Variants in TANGO6 observed in about 807,000 individuals in gnomAD.
TANGO6 encodes transport and Golgi organization protein 6 homolog.
Under a neutral mutation model 114.2 loss-of-function variants are expected in TANGO6, and 90 were observed. That is an observed-to-expected ratio of 0.79 (90% confidence interval 0.66 to 0.94). The LOEUF (loss-of-function observed/expected upper bound fraction) is 0.94, where lower values mean the gene tolerates loss of function less well. TANGO6 is among the 40% of genes least tolerant of loss of function. The pLI, the probability that TANGO6 is intolerant of heterozygous loss-of-function variation, is 0.00. For synonymous variants in TANGO6, 477 were observed against 509.8 expected, an observed-to-expected ratio of 0.94 and a Z score of 0.87; for missense variants, 1,274 against 1,315.3, an observed-to-expected ratio of 0.97 and a Z score of 0.49.
At chr16:68,853,828 T>G (rs570676709) in intron 1 of TANGO6, among the ~76,000 whole-genome samples, 1 of 152,148 alleles carries the variant, frequency 6.6e-6, no homozygotes, top group Admixed American at 6.5e-5. Context: ...ACCATTCCAG[T>G]GTATGTAGTG....
intron 14 of TANGO6, among the ~76,000 whole-genome samples, chr16:68,961,270 G>T (rs535990672): frequency 8.5e-5 from 13 of 152,260 alleles, no homozygotes; most frequent in Non-Finnish European, 1.3e-4. Flanking sequence ...TATGATTCCG[G>T]TAGTTATTTT....
chr16:68,908,396 A>G (rs867966836), intron 10 of TANGO6, among the ~76,000 whole-genome samples: 35 of 152,108 alleles, frequency 2.3e-4, no homozygotes, highest in Middle Eastern at 6.8e-3. Flanking sequence ...TTGTATACTT[A>G]AAAAAAGGTG....
chr16:68,886,322 A>G (rs571662375), intron 7 of TANGO6, among the ~76,000 whole-genome samples: 1 of 150,940 alleles, frequency 6.6e-6, no homozygotes, highest in Non-Finnish European at 1.5e-5. Context: ...GGTTCAAGCA[A>G]TCCTACTACC....
intron 7 of TANGO6, among the ~76,000 whole-genome samples, chr16:68,892,836 G>T (rs1048661584): frequency 1.3e-5 from 2 of 152,010 alleles, no homozygotes; most frequent in Non-Finnish European, 2.9e-5. Flanking sequence ...TTTCTTCCAG[G>T]CATCCTTTCA....
chr16:69,018,973 G>A (rs1959355897), intron 15 of TANGO6, among the ~76,000 whole-genome samples: 1 of 152,150 alleles, frequency 6.6e-6, no homozygotes. Flanking sequence ...GAAAAGTTGT[G>A]TGTGTGCATA....
At chr16:68,862,874 G>T (rs1290417944) in intron 2 of TANGO6, 71 bp from the exon 3 acceptor site, 12 of 985,426 alleles carry the variant, frequency 1.2e-5, no homozygotes, top group Non-Finnish European at 1.9e-5. Flanking sequence ...TCTGTACAGT[G>T]TTGTAAAACT....
intron 1 of TANGO6, among the ~76,000 whole-genome samples, chr16:68,854,802 G>A (rs1961959589): frequency 6.6e-6 from 1 of 151,998 alleles, no homozygotes; most frequent in Non-Finnish European, 1.5e-5. Flanking sequence ...CCTTATGCCA[G>A]TACCACATTG....
At chr16:68,947,536 A>T (rs1051280364) in intron 14 of TANGO6, among the ~76,000 whole-genome samples, 2 of 151,260 alleles carry the variant, frequency 1.3e-5, no homozygotes, top group African/African-American at 4.9e-5. Flanking sequence ...GAAAGCTTTG[A>T]TTCTGTCAAC....
intron 9 of TANGO6, 54 bp downstream of exon 9, chr16:68,902,558 C>T (rs1962800152): frequency 8.9e-6 from 13 of 1,454,340 alleles, no homozygotes; most frequent in Non-Finnish European, 1.0e-5. Flanking sequence ...GCCCAAAAGG[C>T]CATTCAGTGA....
intron 15 of TANGO6, among the ~76,000 whole-genome samples, chr16:68,996,407 A>G (rs1290406145): frequency 6.6e-6 from 1 of 152,198 alleles, no homozygotes; most frequent in African/African-American, 2.4e-5. Flanking sequence ...AAATGTTACA[A>G]GAAACCAGTG....
intron 7 of TANGO6, among the ~76,000 whole-genome samples, chr16:68,884,815 T>C (rs2152173231): frequency 6.6e-6 from 1 of 152,240 alleles, no homozygotes; most frequent in South Asian, 2.1e-4. Context: ...CTATTCTTGG[T>C]CCCCAAAAAA....
At chr16:69,031,092 AT>A (rs1047702995) in intron 16 of TANGO6, among the ~76,000 whole-genome samples, 2 of 151,890 alleles carry the variant, frequency 1.3e-5, no homozygotes, top group African/African-American at 4.8e-5. Flanking sequence ...AAATTTAAAA[AT>A]TTTTTTTAAA....
Position 68,860,279 on chromosome 16 carries a change from G to C in TANGO6, c.490G>C (p.Gly164Arg), listed in dbSNP as rs768403389. Residue 164 changes from glycine to arginine, a missense_variant, in exon 2 of 18, where the codon GGT becomes CGT. Physicochemically the swap from Gly to Arg is moderately radical, Grantham distance 125. Around this residue, in one of 5 missense-constraint regions of TANGO6, gnomAD observed 908 missense variants for 910.2 expected, o/e 1.00. Coordinates refer to ENST00000261778, the MANE Select transcript of TANGO6 (RefSeq NM_024562.2). Reference sequence around the variant, plus strand: ...GGGTATCTGCCCCTATCTCATGCCTGGTGTTGGAGTCCCTTTGAGATATAG... The same window carrying C: ...GGGTATCTGCCCCTATCTCATGCCTCGTGTTGGAGTCCCTTTGAGATATAG... ...TLGICPYLMP[G>R]VGVPLRYRTE... is the part of the protein sequence containing the mutation. The C allele has an allele frequency of 1.2e-6, 2 of 1,613,840 alleles. No homozygotes were observed. Among genetic ancestry groups the C allele is most frequent in the African/African-American group, 2.7e-5 (2 of 74,912 alleles).
At chr16:69,048,382 G>A (rs759459942) in intron 17 of TANGO6, among the ~76,000 whole-genome samples, 1 of 150,748 alleles carries the variant, frequency 6.6e-6, no homozygotes, top group African/African-American at 2.5e-5. Flanking sequence ...GATTACAGGC[G>A]TGAACCACTG....
chr16:68,992,949 G>A (rs909161590), intron 15 of TANGO6, among the ~76,000 whole-genome samples: 1 of 151,952 alleles, frequency 6.6e-6, no homozygotes, highest in East Asian at 1.9e-4. Context: ...CGCGCCTGTA[G>A]TCCCAACTAC....
At chr16:68,987,268 T>A (rs191168182) in intron 15 of TANGO6, among the ~76,000 whole-genome samples, 12 of 152,346 alleles carry the variant, frequency 7.9e-5, no homozygotes, top group Admixed American at 7.8e-4. Flanking sequence ...GTTAAAGTGC[T>A]AGAACCTTTA....
At chr16:68,940,080 T>TTC (rs34677565) in intron 14 of TANGO6, among the ~76,000 whole-genome samples, 2,574 of 150,822 alleles carry the variant, frequency 0.017, 26 homozygotes, top group Non-Finnish European at 0.027. Context: ...CTTCTTTCCT[T>TTC]TCTCTCTCTC....
rs151254014 is a variant in TANGO6 at position 68,924,502 on chromosome 16, C to T, written c.2128-3066C>T. Among the ~76,000 whole-genome samples the T allele has an allele frequency of 6.1e-3, 903 of 148,380 alleles. 3 individuals carry two copies. Among genetic ancestry groups the T allele is most frequent in the Non-Finnish European group, 8.9e-3 (597 of 67,228 alleles). ...AACTCCCTCTCAAAAAAAAAAGGCT[C>T]CTCAGCTGGGCACGGTGGCTCATGC... On this transcript the variant is annotated intron_variant, in intron 12 of 17. Transcript: ENST00000261778.
At chr16:68,883,542 G>A (rs78536501) in intron 7 of TANGO6, among the ~76,000 whole-genome samples, 3,093 of 152,196 alleles carry the variant, frequency 0.02, 116 homozygotes, top group African/African-American at 0.071. Flanking sequence ...CTATTCATCA[G>A]TAAATGGACA....
Sources: allele counts gnomAD v4.1 joint callset (sites outside exome capture counted in the v4.1 genomes callset), GRCh38; gene constraint gnomAD v4.1.1; regional missense constraint gnomAD v4.1.1; transcripts MANE v1.5; gene names NCBI Gene and HGNC (gene_info 2026-07-23, HGNC 2026-07-21).